Variants in CRTC1 observed in about 807,000 individuals in gnomAD.
CRTC1 encodes the protein CREB regulated transcription coactivator 1, also known as CREB-regulated transcription coactivator 1.
In CRTC1, 18 loss-of-function variants were observed where a neutral mutation model predicts 66.1. The observed-to-expected ratio is 0.27, with a 90% CI of 0.19 to 0.40. CRTC1 has a LOEUF of 0.40. CRTC1 is among the 10% of genes least tolerant of loss of function. The probability of loss-of-function intolerance (pLI) is 1.00; values close to 1 mark genes in which losing one functional copy is unlikely to be tolerated. For synonymous variants in CRTC1, 416 were observed against 398.8 expected (o/e 1.04, Z -0.51); for missense variants, 669 against 887.9 (o/e 0.75, Z 3.13).
intron 1 of CRTC1, among the ~76,000 whole-genome samples, chr19:18,705,158 A>C (rs190917680): frequency 3.9e-4 from 59 of 152,022 alleles, no homozygotes; most frequent in Non-Finnish European, 7.4e-4. Flanking sequence ...GATGGGACAC[A>C]TTTTGTTTAT....
In CRTC1 at chr19:18,768,596, C is replaced by A; in HGVS notation, c.1123C>A (p.Pro375Thr). ...GCCCCAGCCCCCGCCGCCTCCTCCA[C>A]CCGCGTCCCAGCAGCCACCACCCCC... ...PQPQPPPPPP[P>T]ASQQPPPPPP... is the part of the protein sequence containing the mutation. The change falls in exon 10 of 14, where the codon CCC (proline) becomes ACC (threonine). Residue 375 changes from proline (P) to threonine (T), a missense_variant. Pro to Thr is a conservative substitution (Grantham distance 38). Coordinates refer to ENST00000321949, the MANE Select transcript of CRTC1 (RefSeq NM_015321.3). This position sits in a 1 kb window ranked among gnomAD's most constrained non-coding sequence, Gnocchi z 5.6. 1 of 1,549,560 alleles carries A rather than the reference C, an allele frequency of 6.5e-7. No individual in the cohort carries two copies. Among genetic ancestry groups the A allele is most frequent in the Non-Finnish European group, 8.8e-7 (1 of 1,142,474 alleles).
intron 11 of CRTC1, among the ~76,000 whole-genome samples, chr19:18,772,405 C>T (rs1454997794): frequency 1.3e-5 from 2 of 152,198 alleles, no homozygotes; most frequent in African/African-American, 4.8e-5. Context: ...CTCCCCAGAA[C>T]CCCGCTATCC....
intron 6 of CRTC1, among the ~76,000 whole-genome samples, chr19:18,758,250 C>T (rs1361601418): frequency 1.7e-4 from 26 of 150,248 alleles, no homozygotes; most frequent in Non-Finnish European, 2.9e-5. Flanking sequence ...GTCCCAGCTA[C>T]GCGAGACACT....
chr19:18,748,947 G>A (rs11085245), intron 4 of CRTC1, among the ~76,000 whole-genome samples: 74,818 of 151,930 alleles, frequency 0.49, 19,650 homozygotes, highest in East Asian at 0.81. Context: ...ATTGTAGTCC[G>A]TGTTAGACAT....
intron 1 of CRTC1, among the ~76,000 whole-genome samples, chr19:18,726,254 C>T (rs1157241445): frequency 6.6e-6 from 1 of 152,262 alleles, no homozygotes; most frequent in African/African-American, 2.4e-5. Context: ...CAGCCACCTG[C>T]CTCTCAGAGC....
chr19:18,706,946 C>G (rs1025265051), intron 1 of CRTC1, among the ~76,000 whole-genome samples: 6 of 152,178 alleles, frequency 3.9e-5, no homozygotes, highest in Admixed American at 3.9e-4. Flanking sequence ...CCCTTATCAT[C>G]TATATGATTC....
At chr19:18,714,464 C>T (rs2053462191) in intron 1 of CRTC1, among the ~76,000 whole-genome samples, 2 of 152,190 alleles carry the variant, frequency 1.3e-5, no homozygotes, top group East Asian at 1.9e-4. Flanking sequence ...TGCACCACCA[C>T]GCCCAGCTAA....
intron 9 of CRTC1, among the ~76,000 whole-genome samples, chr19:18,767,021 G>C (rs753692048): frequency 1.5e-4 from 23 of 152,062 alleles, no homozygotes; most frequent in Non-Finnish European, 3.1e-4. Context: ...AATGTGTTGG[G>C]AAGTTTCCAA....
chr19:18,715,157 T>C (rs912518943), intron 1 of CRTC1, among the ~76,000 whole-genome samples: 1 of 152,254 alleles, frequency 6.6e-6, no homozygotes, highest in African/African-American at 2.4e-5. Flanking sequence ...GCTCCTTGGC[T>C]TGTAGCCGCA....
At position 18,775,602 on chromosome 19, in the gene CRTC1, C is replaced by G. The variant is rs775306274; in HGVS notation, c.1513-39C>G. On this transcript the variant is annotated intron_variant, in intron 12 of 13. Transcript: ENST00000321949. ...CTTGGGGTGGCCAGCTGGGCAGGCC[C>G]GCGGTGGCCCTCACAGCCTGGTGTG... The G allele has an allele frequency of 4.0e-6, 6 of 1,503,002 alleles. No homozygotes were observed. The African/African-American group carries it at 5.6e-5, about 14-fold the overall frequency. 93.1% of individuals were successfully genotyped at this position (1,503,002 alleles called of 1,614,324 possible).
chr19:18,777,626 T>A lies in CRTC1; in HGVS notation c.*244T>A. The A allele has an allele frequency of 2.0e-6, 1 of 488,034 alleles. No homozygotes were observed. The highest frequency in any genetic ancestry group is 3.6e-6 in the Non-Finnish European group (1 of 276,148). 30.2% of individuals were successfully genotyped at this position (488,034 alleles called of 1,614,324 possible). A position where few individuals can be genotyped will look rare whatever the true frequency, so the allele number is the denominator to read the frequency against. On this transcript the variant is annotated 3_prime_UTR_variant, in exon 14 of 14. Transcript: ENST00000321949. This position sits in a 1 kb window ranked among gnomAD's most constrained non-coding sequence, Gnocchi z 5.5. Reference sequence around the variant, plus strand: ...GGGCTGGGATCGGAGGCCGTGAGCCTCCCGCCCCTGCAGACCCTCCCTGCA... The same window carrying A: ...GGGCTGGGATCGGAGGCCGTGAGCCACCCGCCCCTGCAGACCCTCCCTGCA...
intron 1 of CRTC1, among the ~76,000 whole-genome samples, chr19:18,684,385 C>G (rs929685215): frequency 6.6e-6 from 1 of 151,992 alleles, no homozygotes; most frequent in Non-Finnish European, 1.5e-5. Flanking sequence ...CTGAGGGGGA[C>G]CGGTGTCTCT....
chr19:18,728,264 C>T (rs2053805433), intron 1 of CRTC1, among the ~76,000 whole-genome samples: 1 of 152,200 alleles, frequency 6.6e-6, no homozygotes, highest in Non-Finnish European at 1.5e-5. Flanking sequence ...ATCTCTGCCT[C>T]TCCACCCCCT....
At chr19:18,728,796 G>T (rs914953348) in intron 1 of CRTC1, among the ~76,000 whole-genome samples, 5 of 120,538 alleles carry the variant, frequency 4.1e-5, no homozygotes, top group Non-Finnish European at 3.4e-5. Flanking sequence ...GATTACAGGT[G>T]TGAGCCACCT....
intron 2 of CRTC1, among the ~76,000 whole-genome samples, chr19:18,744,481 C>T (rs772676111): frequency 6.9e-6 from 1 of 144,950 alleles, no homozygotes; most frequent in Non-Finnish European, 1.5e-5. Flanking sequence ...CCTATATACA[C>T]ACACACACAA....
Position 18,777,146 on chromosome 19 carries a change from CT to C in CRTC1, c.1694-21del. On this transcript the variant is annotated intron_variant, in intron 13 of 13. Coordinates refer to ENST00000321949, the MANE Select transcript of CRTC1 (RefSeq NM_015321.3). The surrounding 1 kb of genome is among the most constrained non-coding windows in gnomAD (Gnocchi z 5.5). Reference sequence around the variant, plus strand: ...CGATGGAGCCAGGGCTAAGCAGTGCCTTTTGTCCCCACCCCATCCCCCAGTG... The same window carrying C: ...CGATGGAGCCAGGGCTAAGCAGTGCCTTTGTCCCCACCCCATCCCCCAGTG... 1 of 1,312,852 alleles carries C rather than the reference CT, an allele frequency of 7.6e-7. No individual in the cohort carries two copies. The allele number at this position is 1,312,852 out of a possible 1,614,324, so 81.3% of individuals were successfully genotyped here.
rs2055037799 is a variant in CRTC1, at chr19:18,778,197, G to A, written c.*815G>A. On this transcript the variant is annotated 3_prime_UTR_variant, in exon 14 of 14. Coordinates refer to ENST00000321949, the MANE Select transcript of CRTC1 (RefSeq NM_015321.3). ...ACCTCTTGGGGCTTTACAATCCGTGGCCCCTCCTGTCCTGCACTGTGGTCA... is the reference window on the plus strand; with the variant it reads ...ACCTCTTGGGGCTTTACAATCCGTGACCCCTCCTGTCCTGCACTGTGGTCA... The A allele has an allele frequency of 4.3e-6, 1 of 232,846 alleles. No homozygotes were observed. The highest frequency in any genetic ancestry group is 5.6e-5 in the Admixed American group (1 of 17,768). The allele number at this position is 232,846 out of a possible 1,614,324, so 14.4% of individuals were successfully genotyped here.
intron 1 of CRTC1, among the ~76,000 whole-genome samples, chr19:18,685,044 C>G (rs960806264): frequency 6.6e-6 from 1 of 152,150 alleles, no homozygotes; most frequent in Admixed American, 6.5e-5. Flanking sequence ...TGCAGATGCT[C>G]GTATCCCTGG....
rs1040457545 is a variant in CRTC1 at position 18,771,960 on chromosome 19, C to T, written c.1425+414C>T. Among the ~76,000 whole-genome samples the T allele has an allele frequency of 1.2e-4, 18 of 152,178 alleles. No individual in the cohort carries two copies. The highest frequency in any genetic ancestry group is 3.9e-4 in the African/African-American group (16 of 41,444). On this transcript the variant is annotated intron_variant, in intron 11 of 13. Transcript: ENST00000321949. This position sits in a 1 kb window ranked among gnomAD's most constrained non-coding sequence, Gnocchi z 4.6. Reference sequence around the variant, plus strand: ...GTGGCTGGCCCGCCCGCAGGGAAGGCGCTGACTCTGCAGCCCTGCTTTCCC... The same window carrying T: ...GTGGCTGGCCCGCCCGCAGGGAAGGTGCTGACTCTGCAGCCCTGCTTTCCC...
Sources: gnomAD v4.1 joint callset for allele counts (sites outside exome capture counted in the v4.1 genomes callset) on GRCh38, gnomAD v4.1.1 for gene constraint, Gnocchi (gnomAD v3.1) non-coding constraint, MANE v1.5 for transcripts, NCBI Gene and HGNC (gene_info 2026-07-23, HGNC 2026-07-21) for gene names.